The following RFX3 variants were observed in gnomAD, a reference collection of about 807,000 sequenced individuals.
RFX3 encodes regulatory factor X3, also known as transcription factor RFX3.
Under a neutral mutation model 98.6 loss-of-function variants are expected in RFX3, and 14 were observed. The observed-to-expected ratio is 0.14, with a 90% CI of 0.09 to 0.22. The LOEUF is 0.22. Ranked by LOEUF, RFX3 falls within the 10% of genes least tolerant of loss-of-function variation. RFX3 has a pLI of 1.00. For missense variants in RFX3, 639 were observed against 926.9 expected (o/e 0.69, Z 4.03); for synonymous variants, 383 against 328.4 (o/e 1.17, Z -1.80).
chr9:3,460,500 TA>T (rs1238748998), intron 1 of RFX3, among the ~76,000 whole-genome samples: 1 of 152,028 alleles, frequency 6.6e-6, no homozygotes, highest in Non-Finnish European at 1.5e-5. Flanking sequence ...CTCTACCTTA[TA>T]CTCATCAAAT....
At chr9:3,247,654 T>C (rs1240296604) in intron 15 of RFX3, 4 of 1,408,660 alleles carry the variant, frequency 2.8e-6, no homozygotes, top group African/African-American at 1.5e-5. Flanking sequence ...GGAAAGAGTC[T>C]ACAAAATACA....
At chr9:3,349,231 C>T (rs1444374708) in intron 2 of RFX3, among the ~76,000 whole-genome samples, 1 of 151,732 alleles carries the variant, frequency 6.6e-6, no homozygotes, top group East Asian at 1.9e-4. Flanking sequence ...TACTTATTTG[C>T]TTTATCATGA....
At chr9:3,489,746 T>C (rs1781022144) in intron 1 of RFX3, among the ~76,000 whole-genome samples, 1 of 152,124 alleles carries the variant, frequency 6.6e-6, no homozygotes, top group Non-Finnish European at 1.5e-5. Flanking sequence ...CACATATGGG[T>C]ATCAAAGGAC....
At position 3,276,270 on chromosome 9, in the gene RFX3, C is replaced by T. The variant is rs1039405210; in HGVS notation, c.974-658G>A. 9.9e-5 allele frequency among the ~76,000 whole-genome samples: 15 copies of T among 152,084 alleles called. 1 individual carries two copies. Among genetic ancestry groups the T allele is most frequent in the African/African-American group, 4.8e-5 (2 of 41,426 alleles). The stretch of plus-strand genomic sequence containing the variant: ...TACAAATGACTGTGAAACTTTCCTT[C>T]ACACAGAATACAGGGACATGATCTA... On this transcript the variant is annotated intron_variant, in intron 8 of 16. Transcript: ENST00000617270.
chr9:3,298,893 C>A (rs1050529462), intron 5 of RFX3, among the ~76,000 whole-genome samples: 3 of 151,656 alleles, frequency 2.0e-5, no homozygotes, highest in Non-Finnish European at 4.4e-5. Flanking sequence ...AGACTTTTCA[C>A]CCAAAAGTCA....
At chr9:3,289,810 A>T (rs1437036198) in intron 6 of RFX3, among the ~76,000 whole-genome samples, 2 of 152,094 alleles carry the variant, frequency 1.3e-5, no homozygotes, top group Non-Finnish European at 2.9e-5. Flanking sequence ...TGTTTAAAAC[A>T]GTGATTTGAT....
chr9:3,422,049 T>C (rs1843491163), intron 1 of RFX3, among the ~76,000 whole-genome samples: 1 of 151,878 alleles, frequency 6.6e-6, no homozygotes, highest in Non-Finnish European at 1.5e-5. Flanking sequence ...AGACCTGATT[T>C]GTTCTTCAGA....
At chr9:3,280,257 A>G (rs1165931464) in intron 7 of RFX3, among the ~76,000 whole-genome samples, 1 of 151,818 alleles carries the variant, frequency 6.6e-6, no homozygotes, top group African/African-American at 2.4e-5. Flanking sequence ...TGCCATAAAG[A>G]ATGACATCAA....
chr9:3,313,041 G>C (rs555326250), intron 4 of RFX3, among the ~76,000 whole-genome samples: 1 of 152,296 alleles, frequency 6.6e-6, no homozygotes, highest in African/African-American at 2.4e-5. Context: ...CAGAATTTAA[G>C]ATCTAAGAAC....
rs1004732826 is a variant in RFX3, at chr9:3,500,984, T to C, written c.-9+24763A>G. 1.5e-4 allele frequency among the ~76,000 whole-genome samples: 23 copies of C among 152,290 alleles called. 1 individual carries two copies. The highest frequency in any genetic ancestry group is 5.5e-4 in the African/African-American group (23 of 41,560). ...AAAATAAAACCAACAGGTATGGATA[T>C]CTATATTGGCAGTGTCATTGGAATG... On this transcript the variant is annotated intron_variant, in intron 1 of 16. Transcript: ENST00000617270.
At chr9:3,340,763 G>A (rs1833793318) in intron 3 of RFX3, among the ~76,000 whole-genome samples, 1 of 152,182 alleles carries the variant, frequency 6.6e-6, no homozygotes, top group African/African-American at 2.4e-5. Context: ...AACAGGTGCT[G>A]GAGAGGATGT....
rs1216539597 is a variant in RFX3, at chr9:3,473,340, T to C, written c.-9+52407A>G. Among the ~76,000 whole-genome samples, 6 of 152,332 alleles carry C rather than the reference T, an allele frequency of 3.9e-5. 1 individual carries two copies. The highest frequency in any genetic ancestry group is 1.4e-4 in the African/African-American group (6 of 41,594). ...TTTTCATATGAACTACTGGGTTCTC[T>C]TATTTCTCCACAATACTGAACTGAG... On this transcript the variant is annotated intron_variant, in intron 1 of 16. Transcript: ENST00000617270.
At chr9:3,283,544 A>G (rs1190691984) in intron 7 of RFX3, among the ~76,000 whole-genome samples, 1 of 151,804 alleles carries the variant, frequency 6.6e-6, no homozygotes, top group African/African-American at 2.4e-5. Context: ...TATATTAAGA[A>G]AGGCCATCTA....
intron 2 of RFX3, among the ~76,000 whole-genome samples, chr9:3,373,172 G>A (rs1838054153): frequency 6.6e-6 from 1 of 152,106 alleles, no homozygotes; most frequent in African/African-American, 2.4e-5. Context: ...TAGATACTCT[G>A]CACCAAACTG....
Position 3,378,559 on chromosome 9 carries a change from T to C in RFX3, c.117+16913A>G, listed in dbSNP as rs560303103. ...TTTCTCATATTTTTTTTCTTTCTTTTTTTTTTTTTTTTTTGAGATGGAGTT... is the reference window on the plus strand; with the variant it reads ...TTTCTCATATTTTTTTTCTTTCTTTCTTTTTTTTTTTTTTGAGATGGAGTT... On this transcript the variant is annotated intron_variant, in intron 2 of 16. Coordinates refer to ENST00000617270, the MANE Select transcript of RFX3 (RefSeq NM_001282116.2). 2.2e-4 allele frequency among the ~76,000 whole-genome samples: 33 copies of C among 148,112 alleles called. 1 individual carries two copies. The highest frequency in any genetic ancestry group is 1.1e-3 in the Admixed American group (17 of 14,946).
chr9:3,500,856 G>C (rs2133645001), intron 1 of RFX3, among the ~76,000 whole-genome samples: 1 of 152,244 alleles, frequency 6.6e-6, no homozygotes, highest in Middle Eastern at 3.4e-3. Context: ...TATTAGTTGA[G>C]TATATTCAAT....
At chr9:3,491,503 T>C (rs914984407) in intron 1 of RFX3, among the ~76,000 whole-genome samples, 37 of 152,214 alleles carry the variant, frequency 2.4e-4, no homozygotes, top group African/African-American at 8.7e-4. Flanking sequence ...TAAATGTTTA[T>C]AATTCACCCT....
At position 3,270,667 on chromosome 9, in the gene RFX3, T is replaced by C. The variant is rs1054145148; in HGVS notation, c.1203-142A>G. The stretch of plus-strand genomic sequence containing the variant: ...TGCACTGGTGCCATACAGCTGGCTA[T>C]ATATACCGAGAGAGACAGACAGATA... On this transcript the variant is annotated intron_variant, in intron 10 of 16. Coordinates refer to ENST00000617270, the MANE Select transcript of RFX3 (RefSeq NM_001282116.2). 35 of 815,078 alleles carry C rather than the reference T, an allele frequency of 4.3e-5. 1 individual carries two copies. In the South Asian group the frequency reaches 6.2e-4, roughly 15 times the overall value. The allele number at this position is 815,078 out of a possible 1,614,324, so 50.5% of individuals were successfully genotyped here.
chr9:3,310,987 G>T (rs1340389265), intron 4 of RFX3, among the ~76,000 whole-genome samples: 1 of 152,206 alleles, frequency 6.6e-6, no homozygotes. Flanking sequence ...GATGTAAAAT[G>T]ATGAAGTTAC....
Sources: allele counts gnomAD v4.1 joint callset (sites outside exome capture counted in the v4.1 genomes callset), GRCh38; gene constraint gnomAD v4.1.1; transcripts MANE v1.5; gene names NCBI Gene and HGNC (gene_info 2026-07-23, HGNC 2026-07-21).